EDEM1: variants seen among roughly 807,000 people sequenced by gnomAD.
The protein encoded by EDEM1 is ER degradation enhancing alpha-mannosidase like protein 1.
Under a neutral mutation model 74.4 loss-of-function variants are expected in EDEM1, and 67 were observed. That is an observed-to-expected ratio of 0.90 (90% CI 0.74 to 1.10). EDEM1 has a LOEUF of 1.10. EDEM1 is among the 50% of genes least tolerant of loss of function. The pLI, the probability that EDEM1 is intolerant of heterozygous loss-of-function variation, is 0.00. For missense variants in EDEM1, 926 were observed against 851.6 expected (o/e 1.09, Z -1.09); for synonymous variants, 382 against 335.9 (o/e 1.14, Z -1.50).
intron 3 of EDEM1, among the ~76,000 whole-genome samples, chr3:5,201,347 G>T (rs2055032228): frequency 6.6e-6 from 1 of 151,888 alleles, no homozygotes; most frequent in South Asian, 2.1e-4. Context: ...TAGAGACAGG[G>T]TCTTGCCTTG....
Position 5,187,823 on chromosome 3 carries a change from C to G in EDEM1, c.18C>G (p.Leu6=), listed in dbSNP as rs763026491. 7 of 1,582,572 alleles carry G rather than the reference C, an allele frequency of 4.4e-6. No individual in the cohort carries two copies. The Admixed American group carries it at 1.2e-4, about 28-fold the overall frequency. The change falls in exon 1 of 12, where the codon CTC becomes CTG. Residue 6 remains leucine, a synonymous_variant. Coordinates refer to ENST00000256497, the MANE Select transcript of EDEM1 (RefSeq NM_014674.3). MQWRA[L]VLGLVLLRLG... ...GCGCGACCATGCAATGGCGAGCGCT[C>G]GTCCTGGGGCTGGTGCTCCTCCGGC...
intron 8 of EDEM1, among the ~76,000 whole-genome samples, chr3:5,208,927 C>A (rs985049634): frequency 1.3e-5 from 2 of 152,094 alleles, no homozygotes; most frequent in African/African-American, 4.8e-5. Context: ...TATATACACA[C>A]TGAGAGTCCT....
Position 5,208,234 on chromosome 3 carries a change from T to A in EDEM1, c.1480T>A (p.Leu494Ile), listed in dbSNP as rs1363356070. The change falls in exon 8 of 12, where the codon TTA becomes ATA. Residue 494 changes from leucine to isoleucine, a missense_variant. Coordinates refer to ENST00000256497, the MANE Select transcript of EDEM1 (RefSeq NM_014674.3). ...DVLFYPLRPE[L>I]VESTYLLYQA... ...TCTCTTCTACCCACTGAGACCAGAG[T>A]TAGTGGAATCCACATATCTCCTCTA... The A allele has an allele frequency of 6.2e-7, 1 of 1,612,888 alleles. No homozygotes were observed. The highest frequency in any genetic ancestry group is 2.2e-5 in the East Asian group (1 of 44,852).
At chr3:5,202,869 C>A in intron 4 of EDEM1, 97 bp from the exon 5 acceptor site, 2 of 1,078,022 alleles carry the variant, frequency 1.9e-6, no homozygotes, top group Non-Finnish European at 1.4e-6. Flanking sequence ...CCGTGGTAAG[C>A]TTGGTTTATT....
intron 1 of EDEM1, among the ~76,000 whole-genome samples, chr3:5,191,947 T>A (rs1456753177): frequency 6.6e-6 from 1 of 152,250 alleles, no homozygotes; most frequent in Non-Finnish European, 1.5e-5. Context: ...TCTCAATTTC[T>A]TCTCAACTGT....
rs763026491 is a variant in EDEM1, at chr3:5,187,823, C to T, written c.18C>T (p.Leu6=). Residue 6 remains leucine, a synonymous_variant, in exon 1 of 12, where the codon CTC becomes CTT. Coordinates refer to ENST00000256497, the MANE Select transcript of EDEM1 (RefSeq NM_014674.3). MQWRA[L]VLGLVLLRLG... ...GCGCGACCATGCAATGGCGAGCGCT[C>T]GTCCTGGGGCTGGTGCTCCTCCGGC... 6 of 1,582,572 alleles carry T rather than the reference C, an allele frequency of 3.8e-6. No homozygotes were observed. The highest frequency in any genetic ancestry group is 3.4e-6 in the Non-Finnish European group (4 of 1,165,886).
chr3:5,215,955 T>C lies in EDEM1; in HGVS notation c.*37T>C, dbSNP rs1242265312. 1 of 1,575,358 alleles carries C rather than the reference T, an allele frequency of 6.3e-7. No homozygotes were observed. Among genetic ancestry groups the C allele is most frequent in the Non-Finnish European group, 8.7e-7 (1 of 1,150,310 alleles). ...TGAGGCCTCATCTTGAACCAGACCT[T>C]AACGACCAAACCCAGACCATGCCAA... On this transcript the variant is annotated 3_prime_UTR_variant, in exon 12 of 12. Transcript: ENST00000256497.
intron 1 of EDEM1, among the ~76,000 whole-genome samples, chr3:5,193,679 C>T (rs2106587994): frequency 6.6e-6 from 1 of 152,118 alleles, no homozygotes; most frequent in South Asian, 2.1e-4. Context: ...CTCACCGCAA[C>T]CTCCGCCTCC....
Position 5,213,381 on chromosome 3 carries a change from A to G in EDEM1, c.1743A>G (p.Gly581=). ...SGTRYMFTTE[G]HIVSVDEHLR... ...CCAGATACATGTTCACAACAGAGGG[A>G]CACATTGTATCTGTGGATGAGCATC... Residue 581 remains glycine (G), a synonymous_variant, in exon 11 of 12, where the codon GGA becomes GGG. Transcript: ENST00000256497. The G allele has an allele frequency of 1.2e-6, 2 of 1,614,114 alleles. No homozygotes were observed. The highest frequency in any genetic ancestry group is 4.5e-5 in the East Asian group (2 of 44,890).
At chr3:5,208,574 A>G (rs1407715812) in intron 8 of EDEM1, among the ~76,000 whole-genome samples, 1 of 152,062 alleles carries the variant, frequency 6.6e-6, no homozygotes, top group African/African-American at 2.4e-5. Flanking sequence ...GTGTTTTCCA[A>G]ATGTATGTGA....
intron 8 of EDEM1, among the ~76,000 whole-genome samples, chr3:5,209,712 C>T (rs1056792459): frequency 1.3e-5 from 2 of 152,146 alleles, no homozygotes; most frequent in East Asian, 3.9e-4. Flanking sequence ...AGGGTGGCGG[C>T]CTCCTTTCAT....
intron 1 of EDEM1, among the ~76,000 whole-genome samples, chr3:5,193,483 G>C (rs1463073699): frequency 6.6e-6 from 1 of 152,068 alleles, no homozygotes; most frequent in Non-Finnish European, 1.5e-5. Context: ...AGAAAAAACA[G>C]GTACAATTTT....
Position 5,203,032 on chromosome 3 carries a change from C to T in EDEM1, c.925C>T (p.Leu309Phe), listed in dbSNP as rs778392829. 2.5e-6 allele frequency: 4 copies of T among 1,614,002 alleles called. No homozygotes were observed. Among genetic ancestry groups the T allele is most frequent in the African/African-American group, 1.3e-5 (1 of 75,028 alleles). Residue 309 changes from leucine (L) to phenylalanine (F), a missense_variant, in exon 5 of 12, where the codon CTC becomes TTC. Transcript: ENST00000256497. The part of the protein sequence containing the change: ...NETCTAGAGS[L>F]LVEFGILSRL... ...GACATGCACAGCGGGAGCCGGTTCCCTCCTGGTGGAATTTGGGATTCTGAG... is the reference window on the plus strand; with the variant it reads ...GACATGCACAGCGGGAGCCGGTTCCTTCCTGGTGGAATTTGGGATTCTGAG...
intron 10 of EDEM1, among the ~76,000 whole-genome samples, chr3:5,212,646 A>G (rs1020602307): frequency 2.0e-5 from 3 of 152,186 alleles, no homozygotes; most frequent in African/African-American, 4.8e-5. Context: ...TAAAGTTTCA[A>G]AGAGTTTCTA....
rs2055252118 is a variant in EDEM1, at chr3:5,217,370, C to G, written c.*1452C>G. ...ATTCTAGTAAAAAAGGTAGGAAATC[C>G]CTAAAACTTCCAGCCTCACATAGCA... On this transcript the variant is annotated 3_prime_UTR_variant, in exon 12 of 12. Coordinates refer to ENST00000256497, the MANE Select transcript of EDEM1 (RefSeq NM_014674.3). 6.6e-6 allele frequency: 1 copy of G among 152,634 alleles called. No individual in the cohort carries two copies. 9.5% of individuals were successfully genotyped at this position (152,634 alleles called of 1,614,324 possible). A position where few individuals can be genotyped will look rare whatever the true frequency, so the allele number is the denominator to read the frequency against.
chr3:5,199,111 A>G (rs2055005018), intron 2 of EDEM1, among the ~76,000 whole-genome samples: 2 of 152,244 alleles, frequency 1.3e-5, no homozygotes, highest in Admixed American at 1.3e-4. Flanking sequence ...AGGCATCTGG[A>G]TAACAATCAA....
chr3:5,205,305 TG>T, intron 6 of EDEM1, 64 bp downstream of exon 6: 1 of 1,515,274 alleles, frequency 6.6e-7, no homozygotes, highest in Non-Finnish European at 8.9e-7. Context: ...CTGAAGCGTT[TG>T]TATTTTTTTT....
chr3:5,188,205 G>A lies in EDEM1; in HGVS notation c.400G>A (p.Ala134Thr). The A allele has an allele frequency of 3.2e-6, 5 of 1,581,394 alleles. No individual in the cohort carries two copies. Among genetic ancestry groups the A allele is most frequent in the Non-Finnish European group, 4.3e-6 (5 of 1,165,904 alleles). ...GCTGCGTGCCCAGATGCGCGACCTG[G>A]CACGGGGCATGTTCGTCTTTGGCTA... ...PQLRAQMRDL[A>T]RGMFVFGYDN... Residue 134 changes from alanine to threonine, a missense_variant, in exon 1 of 12, where the codon GCA becomes ACA. Transcript: ENST00000256497.
At chr3:5,194,383 T>C (rs1233749174) in intron 1 of EDEM1, among the ~76,000 whole-genome samples, 3 of 152,320 alleles carry the variant, frequency 2.0e-5, no homozygotes, top group Middle Eastern at 3.4e-3. Context: ...TTTTACTAGT[T>C]CTTCATCCCT....
Sources: allele counts gnomAD v4.1 joint callset (sites outside exome capture counted in the v4.1 genomes callset), GRCh38; gene constraint gnomAD v4.1.1; transcripts MANE v1.5; gene names NCBI Gene and HGNC (gene_info 2026-07-23, HGNC 2026-07-21).